The following CPNE4 variants were observed in gnomAD, a reference collection of about 807,000 sequenced individuals.
CPNE4 encodes the protein copine 4, also known as copine-4.
Under a neutral mutation model 67.9 loss-of-function variants are expected in CPNE4, and 25 were observed. The observed-to-expected ratio is 0.37, with a 90% confidence interval of 0.27 to 0.51. CPNE4 has a LOEUF of 0.51. CPNE4 is among the 20% of genes least tolerant of loss of function. The pLI, the probability that CPNE4 is intolerant of heterozygous loss-of-function variation, is 0.93. For missense variants in CPNE4, 464 were observed against 690.8 expected (o/e 0.67, Z 3.68); for synonymous variants, 242 against 244.9 (o/e 0.99, Z 0.11).
chr3:132,015,427 G>A (rs560208344), intron 1 of CPNE4, among the ~76,000 whole-genome samples: 8 of 152,100 alleles, frequency 5.3e-5, no homozygotes, highest in Non-Finnish European at 1.2e-4. Flanking sequence ...TAAAAGAAGG[G>A]AAGGAAAGCT....
intron 2 of CPNE4, among the ~76,000 whole-genome samples, chr3:131,815,873 T>C (rs2084719053): frequency 6.6e-6 from 1 of 152,252 alleles, no homozygotes; most frequent in Admixed American, 6.5e-5. Flanking sequence ...TTGTCTTTGG[T>C]TAGTTCACAG....
intron 1 of CPNE4, among the ~76,000 whole-genome samples, chr3:131,983,646 G>T (rs2072966627): frequency 6.6e-6 from 1 of 152,070 alleles, no homozygotes. Flanking sequence ...TAAAATTTTG[G>T]CATGATCATC....
chr3:132,006,528 C>T (rs1413850583), intron 1 of CPNE4, among the ~76,000 whole-genome samples: 1 of 152,090 alleles, frequency 6.6e-6, no homozygotes, highest in East Asian at 1.9e-4. Flanking sequence ...AAGATGTTTC[C>T]AAATCAGGTC....
At chr3:131,753,788 A>C (rs2082686663) in intron 2 of CPNE4, among the ~76,000 whole-genome samples, 1 of 152,134 alleles carries the variant, frequency 6.6e-6, no homozygotes, top group Admixed American at 6.6e-5. Flanking sequence ...TCTGCTTGAG[A>C]TATAGCACCA....
chr3:131,826,552 A>G (rs929709884), intron 2 of CPNE4, among the ~76,000 whole-genome samples: 1 of 152,172 alleles, frequency 6.6e-6, no homozygotes, highest in African/African-American at 2.4e-5. Context: ...CTTCACAGAC[A>G]GCCCAAGTTG....
At chr3:131,769,727 T>C (rs1433542924) in intron 2 of CPNE4, among the ~76,000 whole-genome samples, 1 of 152,150 alleles carries the variant, frequency 6.6e-6, no homozygotes, top group African/African-American at 2.4e-5. Context: ...GGTCTTAAAA[T>C]TTACATTGCA....
chr3:131,966,457 A>C (rs2072349831), intron 1 of CPNE4, among the ~76,000 whole-genome samples: 1 of 152,204 alleles, frequency 6.6e-6, no homozygotes, highest in Non-Finnish European at 1.5e-5. Context: ...AAGATTAACA[A>C]AATAGGTAGA....
At chr3:131,841,595 T>C (rs967680344) in intron 2 of CPNE4, among the ~76,000 whole-genome samples, 2 of 152,174 alleles carry the variant, frequency 1.3e-5, no homozygotes, top group Non-Finnish European at 1.5e-5. Flanking sequence ...GAGTCTGAAG[T>C]GGAACAGTTT....
chr3:131,930,165 G>T (rs545504645), intron 1 of CPNE4, among the ~76,000 whole-genome samples: 1 of 152,258 alleles, frequency 6.6e-6, no homozygotes, highest in South Asian at 2.1e-4. Context: ...TAATCAGAAA[G>T]CATTCATCCT....
At chr3:131,657,704 T>TTGTGTGTGTGTGTGTGTG (rs56890555) in intron 7 of CPNE4, among the ~76,000 whole-genome samples, 3 of 140,858 alleles carry the variant, frequency 2.1e-5, no homozygotes, top group African/African-American at 8.0e-5. Context: ...CCAGCTAATT[T>TTGTGTGTGTGTGTGTGTG]TGTGTGTGTG....
At chr3:131,864,287 T>A (rs1387850482) in intron 2 of CPNE4, among the ~76,000 whole-genome samples, 1 of 151,770 alleles carries the variant, frequency 6.6e-6, no homozygotes, top group Non-Finnish European at 1.5e-5. Flanking sequence ...ATCTATAAAT[T>A]ACCTTAGGCA....
intron 1 of CPNE4, among the ~76,000 whole-genome samples, chr3:131,957,275 C>A (rs1183620410): frequency 6.6e-6 from 1 of 152,210 alleles, no homozygotes; most frequent in Non-Finnish European, 1.5e-5. Context: ...GCCCATCAGC[C>A]TGATCCTGGA....
intron 7 of CPNE4, among the ~76,000 whole-genome samples, chr3:131,598,691 A>C (rs2107719614): frequency 6.6e-6 from 1 of 152,324 alleles, no homozygotes; most frequent in Admixed American, 6.5e-5. Flanking sequence ...ACATAGCTTC[A>C]TAGTTTACTT....
At chr3:131,661,682 A>ATAAAGAAAGCCATAAAGAAAGCACTT (rs1424269192) in intron 7 of CPNE4, among the ~76,000 whole-genome samples, 1 of 152,216 alleles carries the variant, frequency 6.6e-6, no homozygotes, top group East Asian at 1.9e-4. Flanking sequence ...TCTTGAGTCC[A>ATAAAGAAAGCCATAAAGAAAGCACTT]GAAGGCCATA....
At position 131,723,475 on chromosome 3, in the gene CPNE4, G is replaced by A. The variant is rs367594668; in HGVS notation, c.331C>T (p.Leu111Phe). Reference sequence around the variant, plus strand: ...CCAAGTGTGCACTCCATGCCACCAAGGAAGTCGGCCTCCTTCAGCCCATTG... The same window carrying A: ...CCAAGTGTGCACTCCATGCCACCAAAGAAGTCGGCCTCCTTCAGCCCATTG... Reference protein sequence around the residue: ...NHNGLKEADFLGGMECTLGQI... With the variant: ...NHNGLKEADFFGGMECTLGQI... The change falls in exon 3 of 16, where the codon CTT becomes TTT. Residue 111 changes from leucine (L) to phenylalanine (F), a missense_variant. Coordinates refer to ENST00000429747, the MANE Select transcript of CPNE4 (RefSeq NM_130808.3). 1.7e-5 allele frequency: 28 copies of A among 1,613,098 alleles called. No individual in the cohort carries two copies. The highest frequency in any genetic ancestry group is 2.4e-5 in the Non-Finnish European group (28 of 1,180,026).
chr3:131,931,448 T>C (rs1014755552), intron 1 of CPNE4, among the ~76,000 whole-genome samples: 1 of 152,150 alleles, frequency 6.6e-6, no homozygotes, highest in Non-Finnish European at 1.5e-5. Flanking sequence ...ATTGTCTTAA[T>C]AGTAAGCATC....
At chr3:131,778,321 C>T (rs937787462) in intron 2 of CPNE4, among the ~76,000 whole-genome samples, 18 of 152,148 alleles carry the variant, frequency 1.2e-4, no homozygotes, top group Admixed American at 2.6e-4. Flanking sequence ...TTCCCAGGAG[C>T]GTATGTCTAG....
At chr3:131,536,519 C>A (rs1935154531) in intron 15 of CPNE4, among the ~76,000 whole-genome samples, 1 of 152,246 alleles carries the variant, frequency 6.6e-6, no homozygotes, top group African/African-American at 2.4e-5. Flanking sequence ...ACCATGTGAC[C>A]TGGTTTTCAG....
chr3:131,953,054 A>T (rs1296608332), intron 1 of CPNE4, among the ~76,000 whole-genome samples: 1 of 151,870 alleles, frequency 6.6e-6, no homozygotes, highest in African/African-American at 2.4e-5. Flanking sequence ...CATGCTCGTT[A>T]AGAGTCATCA....
Sources: gnomAD v4.1 joint callset for allele counts (sites outside exome capture counted in the v4.1 genomes callset) on GRCh38, gnomAD v4.1.1 for gene constraint, MANE v1.5 for transcripts, NCBI Gene and HGNC (gene_info 2026-07-23, HGNC 2026-07-21) for gene names.